The following PRRX1 variants were observed in gnomAD, a reference collection of about 807,000 sequenced individuals.
PRRX1 encodes paired mesoderm homeobox protein 1.
Under a neutral mutation model 24.0 loss-of-function variants are expected in PRRX1, and 8 were observed. The observed-to-expected ratio is 0.33, with a 90% CI of 0.20 to 0.60. The LOEUF is 0.60. Ranked by LOEUF, PRRX1 falls within the 20% of genes least tolerant of loss-of-function variation. The probability of loss-of-function intolerance (pLI) is 0.82; values close to 1 mark genes in which losing one functional copy is unlikely to be tolerated. For synonymous variants in PRRX1, 160 were observed against 131.7 expected (o/e 1.22, Z -1.47); for missense variants, 281 against 322.4 (o/e 0.87, Z 0.98).
intron 3 of PRRX1, chr1:170,727,967 G>C (rs1655310410): frequency 6.6e-6 from 1 of 152,166 alleles, no homozygotes; most frequent in South Asian, 2.1e-4. Context: ...ATTGGTATAA[G>C]AGAAATTTGG....
At chr1:170,669,622 A>G (rs958433485) in intron 1 of PRRX1, among the ~76,000 whole-genome samples, 1 of 151,492 alleles carries the variant, frequency 6.6e-6, no homozygotes, top group African/African-American at 2.4e-5. Flanking sequence ...TCCCTCTCCT[A>G]CACACTGTTT....
At chr1:170,708,518 C>G (rs544422925) in intron 1 of PRRX1, among the ~76,000 whole-genome samples, 1 of 152,078 alleles carries the variant, frequency 6.6e-6, no homozygotes, top group Admixed American at 6.5e-5. Flanking sequence ...ACAGAAAACA[C>G]GGTGACTGGA....
intron 3 of PRRX1, among the ~76,000 whole-genome samples, chr1:170,729,564 T>G (rs1030735635): frequency 2.6e-5 from 4 of 152,166 alleles, no homozygotes; most frequent in Non-Finnish European, 5.9e-5. Flanking sequence ...ACTGGGACAT[T>G]TTTTAGAGTG....
At chr1:170,673,694 C>A (rs1331396333) in intron 1 of PRRX1, among the ~76,000 whole-genome samples, 2 of 152,188 alleles carry the variant, frequency 1.3e-5, no homozygotes, top group Admixed American at 6.5e-5. Flanking sequence ...AACTTTCTTT[C>A]CCCAGTCTGA....
intron 1 of PRRX1, among the ~76,000 whole-genome samples, chr1:170,708,948 C>A (rs999909349): frequency 2.0e-5 from 3 of 152,034 alleles, no homozygotes; most frequent in African/African-American, 7.2e-5. Flanking sequence ...TGTGAATGGA[C>A]CAGGTTGTTC....
chr1:170,667,276 A>C (rs554333459), intron 1 of PRRX1: 14 of 152,636 alleles, frequency 9.2e-5, no homozygotes, highest in Non-Finnish European at 1.7e-4. Context: ...TGGAGCTAGG[A>C]AAGTAGCCGA....
chr1:170,664,567 C>T, intron 1 of PRRX1, 108 bp downstream of exon 1: 1 of 1,450,548 alleles, frequency 6.9e-7, no homozygotes, highest in Non-Finnish European at 9.2e-7. Context: ...GGTCCTGGGA[C>T]CAGGAGAGGT....
chr1:170,701,996 T>C (rs1654377756), intron 1 of PRRX1, among the ~76,000 whole-genome samples: 1 of 147,534 alleles, frequency 6.8e-6, no homozygotes, highest in South Asian at 2.2e-4. Flanking sequence ...AATTTTTCCA[T>C]GGATGGGGGA....
intron 1 of PRRX1, among the ~76,000 whole-genome samples, chr1:170,704,950 A>T (rs546500819): frequency 6.6e-6 from 1 of 152,270 alleles, no homozygotes; most frequent in Admixed American, 6.5e-5. Context: ...TTCTAGAGGG[A>T]CCCATAAAAC....
At chr1:170,707,752 G>C (rs1458299771) in intron 1 of PRRX1, among the ~76,000 whole-genome samples, 1 of 152,150 alleles carries the variant, frequency 6.6e-6, no homozygotes, top group Non-Finnish European at 1.5e-5. Context: ...TGTTGGAAAT[G>C]CTCTTGCAGT....
chr1:170,672,904 C>G (rs1013404925), intron 1 of PRRX1, among the ~76,000 whole-genome samples: 10 of 152,236 alleles, frequency 6.6e-5, no homozygotes, highest in African/African-American at 2.4e-4. Context: ...TTCTTTGGTA[C>G]TCTCTCTGCT....
At chr1:170,689,692 T>G (rs1653861735) in intron 1 of PRRX1, among the ~76,000 whole-genome samples, 2 of 152,052 alleles carry the variant, frequency 1.3e-5, no homozygotes, top group Non-Finnish European at 2.9e-5. Flanking sequence ...TTTAGGTAGT[T>G]TTCTTGCTTT....
chr1:170,700,176 A>ATTT (rs139349125), intron 1 of PRRX1, among the ~76,000 whole-genome samples: 4 of 152,002 alleles, frequency 2.6e-5, no homozygotes, highest in Non-Finnish European at 5.9e-5. Flanking sequence ...TTTGGAAGTT[A>ATTT]TTTTTTTGTG....
chr1:170,685,096 T>C (rs1013795359), intron 1 of PRRX1, among the ~76,000 whole-genome samples: 3 of 152,246 alleles, frequency 2.0e-5, no homozygotes, highest in African/African-American at 7.2e-5. Flanking sequence ...ACAGGAAATT[T>C]AATCAATATT....
intron 2 of PRRX1, among the ~76,000 whole-genome samples, chr1:170,725,756 T>G (rs1414259379): frequency 1.3e-5 from 2 of 152,256 alleles, no homozygotes; most frequent in Non-Finnish European, 2.9e-5. Flanking sequence ...TGTTGGAACA[T>G]CTACTTTTGG....
At chr1:170,691,028 T>C (rs568893727) in intron 1 of PRRX1, among the ~76,000 whole-genome samples, 2 of 152,230 alleles carry the variant, frequency 1.3e-5, no homozygotes, top group African/African-American at 4.8e-5. Flanking sequence ...AATGAAAAGA[T>C]GCTTGACAAA....
In PRRX1 at chr1:170,664,426, C is replaced by T; in HGVS notation, c.208C>T (p.Leu70Phe). Residue 70 changes from leucine to phenylalanine, a missense_variant, in exon 1 of 4, where the codon CTC becomes TTC. Transcript: ENST00000239461. ...CCGGAGCCTGCTGGAGTCGCCGGGA[C>T]TCACCAGCGGCAGCGACACCCCGCA... ...AGRSLLESPG[L>F]TSGSDTPQQD... is the part of the protein sequence containing the mutation. The T allele has an allele frequency of 1.2e-6, 2 of 1,609,130 alleles. No individual in the cohort carries two copies. Among genetic ancestry groups the T allele is most frequent in the Non-Finnish European group, 1.7e-6 (2 of 1,178,286 alleles).
intron 1 of PRRX1, among the ~76,000 whole-genome samples, chr1:170,704,719 T>C (rs375566119): frequency 6.6e-6 from 1 of 152,124 alleles, no homozygotes. Flanking sequence ...GTAAATAGAT[T>C]TTCCCCAACA....
intron 2 of PRRX1, among the ~76,000 whole-genome samples, chr1:170,723,859 A>G (rs1655167782): frequency 6.6e-6 from 1 of 152,196 alleles, no homozygotes; most frequent in African/African-American, 2.4e-5. Context: ...TTGTAATACC[A>G]TGGTAAGTAT....
Sources: allele counts gnomAD v4.1 joint callset (sites outside exome capture counted in the v4.1 genomes callset), GRCh38; gene constraint gnomAD v4.1.1; transcripts MANE v1.5; gene names NCBI Gene and HGNC (gene_info 2026-07-23, HGNC 2026-07-21).